Variants in PLXDC1 observed in about 807,000 individuals in gnomAD.
The protein encoded by PLXDC1 is plexin domain-containing protein 1.
PLXDC1 carries 39 observed loss-of-function variants against 61.3 expected under a neutral mutation model. That is an observed-to-expected ratio of 0.64 (90% CI 0.49 to 0.83). The LOEUF is 0.83. Ranked by LOEUF, PLXDC1 falls within the 40% of genes least tolerant of loss-of-function variation. PLXDC1 has a pLI of 0.00. For synonymous variants in PLXDC1, 212 were observed against 254.5 expected (o/e 0.83, Z 1.59); for missense variants, 596 against 666.5 (o/e 0.89, Z 1.17).
chr17:39,137,099 C>G (rs1021887889), intron 2 of PLXDC1, among the ~76,000 whole-genome samples: 2 of 152,196 alleles, frequency 1.3e-5, no homozygotes, highest in South Asian at 2.1e-4. Flanking sequence ...CATGTCACTG[C>G]AATTTCAGAA....
At chr17:39,116,940 G>T (rs1910987676) in intron 2 of PLXDC1, among the ~76,000 whole-genome samples, 1 of 152,228 alleles carries the variant, frequency 6.6e-6, no homozygotes, top group South Asian at 2.1e-4. Context: ...TATTACAAGG[G>T]CCAGGGCGTG....
intron 2 of PLXDC1, among the ~76,000 whole-genome samples, chr17:39,120,227 C>T (rs976473248): frequency 2.6e-5 from 4 of 152,168 alleles, no homozygotes; most frequent in South Asian, 2.1e-4. Context: ...CCTCGGCTCA[C>T]GGCAACCTCT....
chr17:39,134,209 G>A (rs1327427551), intron 2 of PLXDC1, among the ~76,000 whole-genome samples: 6 of 150,596 alleles, frequency 4.0e-5, no homozygotes, highest in Non-Finnish European at 7.4e-5. Context: ...AACCGAGATC[G>A]TGCCACTGCA....
At chr17:39,093,850 C>T (rs1910046521) in intron 7 of PLXDC1, among the ~76,000 whole-genome samples, 1 of 152,114 alleles carries the variant, frequency 6.6e-6, no homozygotes, top group Admixed American at 6.5e-5. Flanking sequence ...GCAGTAACTG[C>T]CGGGTGTCTA....
chr17:39,124,882 C>A (rs1426242416), intron 2 of PLXDC1, among the ~76,000 whole-genome samples: 2 of 152,176 alleles, frequency 1.3e-5, no homozygotes, highest in Non-Finnish European at 2.9e-5. Flanking sequence ...GGTGCCACCT[C>A]AGCTTACTGC....
At chr17:39,071,053 C>G (rs1325535453) in intron 12 of PLXDC1, among the ~76,000 whole-genome samples, 3 of 152,198 alleles carry the variant, frequency 2.0e-5, no homozygotes, top group Non-Finnish European at 4.4e-5. Flanking sequence ...TCTAGGTCCT[C>G]TGGAAGCTAA....
intron 8 of PLXDC1, among the ~76,000 whole-genome samples, chr17:39,086,478 G>A (rs904157880): frequency 3.3e-5 from 5 of 152,210 alleles, no homozygotes; most frequent in African/African-American, 1.2e-4. Flanking sequence ...GGAAGAGGAA[G>A]CAGGGGTAAA....
chr17:39,146,676 T>C (rs2045344498), intron 1 of PLXDC1, among the ~76,000 whole-genome samples: 1 of 150,768 alleles, frequency 6.6e-6, no homozygotes, highest in South Asian at 2.1e-4. Context: ...TTATAAAATT[T>C]AATTTATTAT....
intron 2 of PLXDC1, 101 bp downstream of exon 2, chr17:39,139,553 A>G: frequency 8.5e-7 from 1 of 1,173,854 alleles, no homozygotes; most frequent in South Asian, 1.5e-5. Context: ...GCCAACCCCA[A>G]ATGATATGTG....
At chr17:39,110,856 C>T (rs1204838395) in intron 2 of PLXDC1, among the ~76,000 whole-genome samples, 3 of 152,176 alleles carry the variant, frequency 2.0e-5, no homozygotes, top group African/African-American at 4.8e-5. Flanking sequence ...GGACGATGAG[C>T]GGAAGAAGCA....
intron 7 of PLXDC1, among the ~76,000 whole-genome samples, chr17:39,099,563 A>T (rs1159981942): frequency 6.6e-6 from 1 of 151,802 alleles, no homozygotes; most frequent in Non-Finnish European, 1.5e-5. Flanking sequence ...TGTTTGGGGG[A>T]GCTGAGGAGG....
intron 7 of PLXDC1, among the ~76,000 whole-genome samples, chr17:39,098,929 C>T (rs539768395): frequency 1.3e-5 from 2 of 152,206 alleles, no homozygotes; most frequent in East Asian, 1.9e-4. Context: ...CAGCTGTGCC[C>T]GGCCTTGAAT....
intron 8 of PLXDC1, among the ~76,000 whole-genome samples, chr17:39,085,203 G>A (rs1371262111): frequency 6.6e-6 from 1 of 152,240 alleles, no homozygotes; most frequent in African/African-American, 2.4e-5. Flanking sequence ...GAGTGGGAGA[G>A]AGGCTGCATG....
chr17:39,107,296 C>A, intron 6 of PLXDC1, 111 bp downstream of exon 6: 1 of 680,048 alleles, frequency 1.5e-6, no homozygotes. Flanking sequence ...TTGTTAACTG[C>A]TGTATTACCA....
At chr17:39,145,441 C>G (rs73983232) in intron 1 of PLXDC1, among the ~76,000 whole-genome samples, 1 of 152,212 alleles carries the variant, frequency 6.6e-6, no homozygotes, top group South Asian at 2.1e-4. Flanking sequence ...CTGGGCCACC[C>G]CATAGCTCAG....
chr17:39,136,310 G>T (rs1469257363), intron 2 of PLXDC1, among the ~76,000 whole-genome samples: 1 of 152,180 alleles, frequency 6.6e-6, no homozygotes, highest in East Asian at 1.9e-4. Context: ...ATCTAAGATG[G>T]CACCAAAACT....
intron 2 of PLXDC1, among the ~76,000 whole-genome samples, chr17:39,127,818 GA>G: frequency 6.6e-6 from 1 of 151,056 alleles, no homozygotes; most frequent in Non-Finnish European, 1.5e-5. Context: ...AGCCGGGCAT[GA>G]TGGTGGCGGG....
intron 7 of PLXDC1, among the ~76,000 whole-genome samples, chr17:39,091,957 TCAAAA>T (rs778658639): frequency 7.3e-4 from 26 of 35,786 alleles, no homozygotes; most frequent in Admixed American, 1.3e-3. Flanking sequence ...AGACTCTATC[TCAAAA>T]AAAAAAAAAA....
chr17:39,152,107 C>T (rs2045377803), upstream of PLXDC1, among the ~76,000 whole-genome samples: 1 of 138,330 alleles, frequency 7.2e-6, no homozygotes, highest in African/African-American at 2.6e-5. Flanking sequence ...TCTCCCCCTG[C>T]AGCAAAGACC....
Sources: allele counts gnomAD v4.1 joint callset (sites outside exome capture counted in the v4.1 genomes callset), GRCh38; gene constraint gnomAD v4.1.1; transcripts MANE v1.5; gene names NCBI Gene and HGNC (gene_info 2026-07-23, HGNC 2026-07-21).